STK38L: variants seen among roughly 807,000 people sequenced by gnomAD.
STK38L encodes the protein serine/threonine kinase 38 like, also known as serine/threonine-protein kinase 38-like.
STK38L carries 28 observed loss-of-function variants against 59.7 expected under a neutral mutation model. The ratio of observed to expected loss-of-function variants is 0.47; its 90% CI spans 0.35 to 0.64. The LOEUF (loss-of-function observed/expected upper bound fraction) is 0.64. Ranked by LOEUF, STK38L falls within the 30% of genes least tolerant of loss-of-function variation. The probability of loss-of-function intolerance (pLI) is 0.01; values close to 1 mark genes in which losing one functional copy is unlikely to be tolerated. For synonymous variants in STK38L, 162 were observed against 176.8 expected, an observed-to-expected ratio of 0.92 and a Z score of 0.66; for missense variants, 314 against 555.8, an observed-to-expected ratio of 0.56 and a Z score of 4.37.
chr12:27,286,414 A>G (rs1565537519), intron 1 of STK38L, among the ~76,000 whole-genome samples: 1 of 152,252 alleles, frequency 6.6e-6, no homozygotes, highest in Admixed American at 6.5e-5. Context: ...GTTCATCACA[A>G]TTTAACTTCC....
At chr12:27,260,028 A>G (rs1943172687) in intron 1 of STK38L, among the ~76,000 whole-genome samples, 1 of 152,214 alleles carries the variant, frequency 6.6e-6, no homozygotes, top group Non-Finnish European at 1.5e-5. Context: ...TGTGACTAGA[A>G]GAAAGAGGAT....
At chr12:27,265,434 T>C (rs12580171) in intron 1 of STK38L, among the ~76,000 whole-genome samples, 7,652 of 152,274 alleles carry the variant, frequency 0.05, 566 homozygotes, top group East Asian at 0.39. Context: ...AGCTCTATTA[T>C]TGAACATTTA....
chr12:27,317,855 C>T (rs10771336), intron 10 of STK38L, 41 bp from the exon 11 acceptor site: 324,714 of 1,608,548 alleles, frequency 0.2, 34,193 homozygotes, highest in Non-Finnish European at 0.22. Context: ...CTTCACTGCT[C>T]ACAAAGCTGA....
chr12:27,278,102 T>A (rs1943576609), intron 1 of STK38L, among the ~76,000 whole-genome samples: 1 of 152,224 alleles, frequency 6.6e-6, no homozygotes, highest in South Asian at 2.1e-4. Context: ...CTGGCCACAG[T>A]TTAGGCATAT....
rs563247546 is a variant in STK38L at position 27,324,760 on chromosome 12, G to A, written c.*2305G>A. ...AAGTGCCTATCTAAAAGCAATTAAA[G>A]ACTGTGTCTGCCCTTTAGAAGCTAA... On this transcript the variant is annotated 3_prime_UTR_variant, in exon 14 of 14. Coordinates refer to ENST00000389032, the MANE Select transcript of STK38L (RefSeq NM_015000.4). 1.3e-5 allele frequency: 2 copies of A among 152,140 alleles called. No homozygotes were observed. The highest frequency in any genetic ancestry group is 4.1e-4 in the South Asian group (2 of 4,824). The allele number at this position is 152,140 out of a possible 1,614,324, so 9.4% of individuals were successfully genotyped here.
At chr12:27,311,283 A>G (rs1324730532) in intron 5 of STK38L, among the ~76,000 whole-genome samples, 1 of 152,240 alleles carries the variant, frequency 6.6e-6, no homozygotes, top group African/African-American at 2.4e-5. Context: ...TAGAAATTAT[A>G]AAGTATTTTC....
At chr12:27,276,333 C>T (rs898897264) in intron 1 of STK38L, among the ~76,000 whole-genome samples, 2 of 152,084 alleles carry the variant, frequency 1.3e-5, no homozygotes, top group African/African-American at 4.8e-5. Context: ...ATGAGTTTCT[C>T]TGGTATTTTG....
At chr12:27,256,789 C>T (rs772331717) in intron 1 of STK38L, among the ~76,000 whole-genome samples, 3 of 152,190 alleles carry the variant, frequency 2.0e-5, no homozygotes, top group Non-Finnish European at 2.9e-5. Flanking sequence ...GGCTATCTAA[C>T]ATCTCTCTTT....
At chr12:27,272,765 A>T (rs1194592365) in intron 1 of STK38L, among the ~76,000 whole-genome samples, 1 of 152,078 alleles carries the variant, frequency 6.6e-6, no homozygotes, top group African/African-American at 2.4e-5. Flanking sequence ...CAACACACAC[A>T]GTGCAGCAGA....
At chr12:27,261,614 A>G (rs939454168) in intron 1 of STK38L, among the ~76,000 whole-genome samples, 5 of 152,192 alleles carry the variant, frequency 3.3e-5, no homozygotes, top group African/African-American at 1.2e-4. Context: ...AACTTTTTGT[A>G]TCTCTTCTTC....
At chr12:27,305,117 C>T (rs912945416) in intron 3 of STK38L, among the ~76,000 whole-genome samples, 1 of 152,212 alleles carries the variant, frequency 6.6e-6, no homozygotes, top group Non-Finnish European at 1.5e-5. Context: ...GGATTGCTAC[C>T]ATTGGCCCCT....
At chr12:27,302,018 G>GTTTT in intron 2 of STK38L, 119 bp from the exon 3 acceptor site, 1 of 554,172 alleles carries the variant, frequency 1.8e-6, no homozygotes, top group Non-Finnish European at 2.8e-6. Flanking sequence ...CAACTTGAAA[G>GTTTT]TTTTTTTTTT....
chr12:27,274,633 G>A (rs1187003227), intron 1 of STK38L, among the ~76,000 whole-genome samples: 2 of 152,114 alleles, frequency 1.3e-5, no homozygotes, highest in Non-Finnish European at 2.9e-5. Flanking sequence ...GTACCTATAG[G>A]TGCTATGCTT....
At chr12:27,299,190 A>G (rs533540253) in intron 2 of STK38L, among the ~76,000 whole-genome samples, 40 of 152,354 alleles carry the variant, frequency 2.6e-4, no homozygotes, top group East Asian at 7.7e-4. Flanking sequence ...AGAGTGGTAC[A>G]GTTTAAATGA....
At chr12:27,283,509 C>A (rs1943704389) in intron 1 of STK38L, among the ~76,000 whole-genome samples, 1 of 152,148 alleles carries the variant, frequency 6.6e-6, no homozygotes, top group African/African-American at 2.4e-5. Flanking sequence ...CACTGACACC[C>A]TGAGAGTTCT....
At chr12:27,320,029 G>C (rs938794386) in intron 12 of STK38L, among the ~76,000 whole-genome samples, 5 of 152,178 alleles carry the variant, frequency 3.3e-5, no homozygotes, top group African/African-American at 1.2e-4. Context: ...TAGGACTGCA[G>C]GATATGGCGA....
intron 1 of STK38L, among the ~76,000 whole-genome samples, chr12:27,261,695 A>G (rs1262426099): frequency 1.3e-5 from 2 of 152,218 alleles, no homozygotes; most frequent in South Asian, 2.1e-4. Context: ...CTCAAGATCC[A>G]TCACCATTTT....
At chr12:27,265,121 G>C (rs1054567579) in intron 1 of STK38L, among the ~76,000 whole-genome samples, 5 of 152,056 alleles carry the variant, frequency 3.3e-5, no homozygotes, top group Non-Finnish European at 5.9e-5. Context: ...GGCATGTAAG[G>C]CTGTTTTAGG....
intron 1 of STK38L, among the ~76,000 whole-genome samples, chr12:27,277,559 G>A (rs1214056805): frequency 6.6e-6 from 1 of 152,166 alleles, no homozygotes; most frequent in Non-Finnish European, 1.5e-5. Context: ...AGGAAGAGCT[G>A]TCTACCCTGA....
Sources: allele counts gnomAD v4.1 joint callset (sites outside exome capture counted in the v4.1 genomes callset), GRCh38; gene constraint gnomAD v4.1.1; transcripts MANE v1.5; gene names NCBI Gene and HGNC (gene_info 2026-07-23, HGNC 2026-07-21).